Variants in METTL25 observed in about 807,000 individuals in gnomAD.
METTL25 encodes probable methyltransferase-like protein 25.
METTL25 carries 64 observed loss-of-function variants against 71.6 expected under a neutral mutation model. The observed-to-expected ratio is 0.89, with a 90% CI of 0.73 to 1.10. The LOEUF (loss-of-function observed/expected upper bound fraction) is 1.10. METTL25 is among the 50% of genes least tolerant of loss of function. METTL25 has a pLI of 0.00. For missense variants in METTL25, 807 were observed against 707.0 expected (o/e 1.14, Z -1.60); for synonymous variants, 287 against 250.3 (o/e 1.15, Z -1.38).
At chr12:82,411,718 G>A (rs2137062005) in intron 5 of METTL25, among the ~76,000 whole-genome samples, 2 of 152,052 alleles carry the variant, frequency 1.3e-5, no homozygotes, top group South Asian at 4.1e-4. Context: ...ACAGAAGAAG[G>A]TTAGAGAAAG....
intron 8 of METTL25, among the ~76,000 whole-genome samples, chr12:82,439,294 A>T (rs1890155399): frequency 6.6e-6 from 1 of 151,704 alleles, no homozygotes. Context: ...GTTGCCCCTA[A>T]ATAATGCACT....
chr12:82,398,617 A>G (rs1037871604), intron 3 of METTL25, among the ~76,000 whole-genome samples, 178 bp from the exon 4 acceptor site: 3 of 152,118 alleles, frequency 2.0e-5, no homozygotes, highest in Non-Finnish European at 4.4e-5. Flanking sequence ...TAAACTAGCT[A>G]GAACCTCCAG....
chr12:82,387,937 T>A (rs1885208423), intron 2 of METTL25, among the ~76,000 whole-genome samples: 3 of 151,892 alleles, frequency 2.0e-5, no homozygotes, highest in Admixed American at 2.0e-4. Context: ...AAGAATATCT[T>A]TTAGAGCCAT....
At chr12:82,401,325 C>T (rs1031496713) in intron 4 of METTL25, among the ~76,000 whole-genome samples, 12 of 151,762 alleles carry the variant, frequency 7.9e-5, no homozygotes, top group African/African-American at 2.9e-4. Context: ...TAATACTTAA[C>T]GTTATTTTGA....
rs60688459 is a variant in METTL25, at chr12:82,429,376, GTTT to G, written c.1280-1504_1280-1502del. 8.4e-3 allele frequency among the ~76,000 whole-genome samples: 1,205 copies of G among 144,084 alleles called. 5 individuals are homozygous for G. Among genetic ancestry groups the G allele is most frequent in the Non-Finnish European group, 0.012 (774 of 65,368 alleles). The allele number at this position is 144,084 out of a possible 152,430, so 94.5% of individuals were successfully genotyped here. ...CTACCCATATTGCTGCAAATGTAGGGTTTTTTTTTTTTTTTGACCAAATAATAC... is the reference window on the plus strand; with the variant it reads ...CTACCCATATTGCTGCAAATGTAGGGTTTTTTTTTTTTGACCAAATAATAC... On this transcript the variant is annotated intron_variant, in intron 5 of 11. Transcript: ENST00000248306.
chr12:82,418,774 A>C (rs1300171962), intron 5 of METTL25, among the ~76,000 whole-genome samples: 1 of 152,144 alleles, frequency 6.6e-6, no homozygotes, highest in East Asian at 1.9e-4. Context: ...TGAATCCATC[A>C]TAAGGACTAT....
intron 5 of METTL25, among the ~76,000 whole-genome samples, chr12:82,429,505 A>G (rs1196896802): frequency 6.6e-6 from 1 of 151,720 alleles, no homozygotes; most frequent in Non-Finnish European, 1.5e-5. Flanking sequence ...TAGTGCTGCA[A>G]TAAACATGAG....
At chr12:82,373,961 A>T (rs1442925917) in intron 1 of METTL25, 1 of 152,972 alleles carries the variant, frequency 6.5e-6, no homozygotes, top group African/African-American at 2.4e-5. Context: ...GTCTGATGGT[A>T]CTCACTGCTT....
At chr12:82,398,666 A>T (rs1886296918) in intron 3 of METTL25, 129 bp from the exon 4 acceptor site, 1 of 508,616 alleles carries the variant, frequency 2.0e-6, no homozygotes, top group Non-Finnish European at 3.0e-6. Flanking sequence ...TTGGTTTTTC[A>T]TAGGAATAAA....
At chr12:82,418,489 A>G (rs978734636) in intron 5 of METTL25, among the ~76,000 whole-genome samples, 4 of 152,132 alleles carry the variant, frequency 2.6e-5, no homozygotes, top group African/African-American at 9.7e-5. Context: ...CACTTTAAAA[A>G]ATGTGTGACA....
chr12:82,448,909 A>T lies in METTL25; in HGVS notation c.1479-7818A>T, dbSNP rs1033846086. Among the ~76,000 whole-genome samples, 15 of 152,286 alleles carry T rather than the reference A, an allele frequency of 9.8e-5. 1 individual carries two copies. The highest frequency in any genetic ancestry group is 2.1e-4 in the South Asian group (1 of 4,824). On this transcript the variant is annotated intron_variant, in intron 8 of 11. Coordinates refer to ENST00000248306, the MANE Select transcript of METTL25 (RefSeq NM_032230.3). ...ACAATAATTTCATAAATATTTTGTG[A>T]TTATGGAGAAACTGAATTTTGGTAC... is the stretch of plus-strand genomic sequence containing the variant.
intron 5 of METTL25, among the ~76,000 whole-genome samples, chr12:82,427,474 A>G (rs999123443): frequency 1.3e-5 from 2 of 151,868 alleles, no homozygotes; most frequent in Non-Finnish European, 2.9e-5. Context: ...TACCCCTTTC[A>G]ATCTAATGTT....
intron 5 of METTL25, among the ~76,000 whole-genome samples, chr12:82,407,127 A>T (rs1452039828): frequency 1.3e-5 from 2 of 152,084 alleles, no homozygotes; most frequent in Non-Finnish European, 2.9e-5. Flanking sequence ...TTTTCCAAAA[A>T]TCTCTTCTTG....
intron 1 of METTL25, among the ~76,000 whole-genome samples, chr12:82,378,374 G>A (rs976773173): frequency 2.6e-5 from 4 of 152,128 alleles, no homozygotes; most frequent in Non-Finnish European, 2.9e-5. Context: ...AACTAAGGAA[G>A]TAGTAAAGAA....
intron 8 of METTL25, among the ~76,000 whole-genome samples, chr12:82,452,939 A>T (rs759350089): frequency 7.9e-5 from 12 of 152,174 alleles, no homozygotes; most frequent in Non-Finnish European, 1.6e-4. Context: ...TAGAGTGCAG[A>T]TTCAAGCTTG....
intron 3 of METTL25, among the ~76,000 whole-genome samples, chr12:82,391,292 A>C (rs932420129): frequency 1.3e-5 from 2 of 152,076 alleles, no homozygotes; most frequent in African/African-American, 4.8e-5. Flanking sequence ...AAAATATAGA[A>C]GTGGCCAAAA....
At chr12:82,379,693 A>G (rs185088012) in intron 1 of METTL25, among the ~76,000 whole-genome samples, 30 of 152,346 alleles carry the variant, frequency 2.0e-4, no homozygotes, top group Non-Finnish European at 3.7e-4. Flanking sequence ...TCTCTCCTGC[A>G]CTTGAAAGTT....
chr12:82,463,767 T>C (rs368764610), intron 9 of METTL25, among the ~76,000 whole-genome samples: 1 of 152,012 alleles, frequency 6.6e-6, no homozygotes, highest in East Asian at 1.9e-4. Flanking sequence ...TCTTTTTTCA[T>C]AGTAGCCATT....
intron 1 of METTL25, among the ~76,000 whole-genome samples, chr12:82,376,842 G>A (rs561999456): frequency 1.2e-4 from 19 of 152,210 alleles, no homozygotes; most frequent in East Asian, 5.8e-4. Context: ...TTGGCCGGGC[G>A]CTGTGGCTCA....
Sources: allele counts gnomAD v4.1 joint callset (sites outside exome capture counted in the v4.1 genomes callset), GRCh38; gene constraint gnomAD v4.1.1; transcripts MANE v1.5; gene names NCBI Gene and HGNC (gene_info 2026-07-23, HGNC 2026-07-21).